The following NTN1 variants were observed in gnomAD, a reference collection of about 807,000 sequenced individuals.
NTN1 encodes netrin 1, also known as netrin-1.
Under a neutral mutation model 54.2 loss-of-function variants are expected in NTN1, and 11 were observed. That is an observed-to-expected ratio of 0.20 (90% confidence interval 0.13 to 0.34). The LOEUF (loss-of-function observed/expected upper bound fraction) is 0.34. Among genes scored for constraint, NTN1 ranks in the 10% least tolerant of loss-of-function variants. NTN1 has a pLI of 1.00. For missense variants in NTN1, 740 were observed against 893.1 expected (o/e 0.83, Z 2.18); for synonymous variants, 371 against 382.0 (o/e 0.97, Z 0.33).
chr17:9,016,872 C>A (rs180751076), upstream of NTN1, among the ~76,000 whole-genome samples: 25 of 152,330 alleles, frequency 1.6e-4, no homozygotes, highest in Non-Finnish European at 3.5e-4. Context: ...TGTCTCATGG[C>A]CTTGCTGGCT....
At chr17:9,070,724 T>TG (rs2092029437) in intron 2 of NTN1, among the ~76,000 whole-genome samples, 1 of 152,186 alleles carries the variant, frequency 6.6e-6, no homozygotes, top group African/African-American at 2.4e-5. Context: ...CCTGAGTAGC[T>TG]GGGATTACAG....
Position 9,240,459 on chromosome 17 carries a change from C to T in NTN1, c.*491C>T, listed in dbSNP as rs544885378. 145 of 152,478 alleles carry T rather than the reference C, an allele frequency of 9.5e-4. No homozygotes were observed. Among genetic ancestry groups the T allele is most frequent in the Non-Finnish European group, 1.7e-3 (113 of 68,134 alleles). The allele number at this position is 152,478 out of a possible 1,614,324, so 9.4% of individuals were successfully genotyped here. A position where few individuals can be genotyped will look rare whatever the true frequency, so the allele number is the denominator to read the frequency against. ...GGGCGCGGAGCACCCACCAAACCAC[C>T]ACCCGACACGCAGCCGACGGGATCC... is the stretch of plus-strand genomic sequence containing the variant. On this transcript the variant is annotated 3_prime_UTR_variant, in exon 7 of 7. Transcript: ENST00000173229.
chr17:9,047,852 G>A (rs980946702), intron 2 of NTN1, among the ~76,000 whole-genome samples: 6 of 151,950 alleles, frequency 3.9e-5, no homozygotes, highest in Admixed American at 1.3e-4. Flanking sequence ...CTGCCACCAC[G>A]CCTGGCTAAT....
intron 2 of NTN1, among the ~76,000 whole-genome samples, chr17:9,025,799 G>A (rs1015106522): frequency 6.6e-6 from 1 of 152,218 alleles, no homozygotes; most frequent in African/African-American, 2.4e-5. Context: ...CTGTAGTGGA[G>A]ATATGTGAAT....
chr17:9,203,148 C>G (rs1904859366), intron 5 of NTN1, among the ~76,000 whole-genome samples: 1 of 146,662 alleles, frequency 6.8e-6, no homozygotes, highest in Non-Finnish European at 1.5e-5. Flanking sequence ...ATCTCGATCT[C>G]CTGACCTCGT....
At chr17:9,193,920 TAA>T (rs71361871) in intron 5 of NTN1, among the ~76,000 whole-genome samples, 11 of 44,898 alleles carry the variant, frequency 2.4e-4, no homozygotes, top group South Asian at 2.2e-3. Context: ...AAACTCCGAC[TAA>T]AAAAAAAAAA....
Position 9,156,121 on chromosome 17 carries a change from G to A in NTN1, c.1019-6692G>A, listed in dbSNP as rs1382210633. On this transcript the variant is annotated intron_variant, in intron 2 of 6. Transcript: ENST00000173229. ...TGCCATGTCCCAACCTGCCCATGTG[G>A]CCTGGACATGTGGAAATGTGTCAAC... 2.0e-5 allele frequency among the ~76,000 whole-genome samples: 3 copies of A among 152,190 alleles called. No individual in the cohort carries two copies. The East Asian group carries it at 5.8e-4, about 29-fold the overall frequency.
At chr17:9,187,028 C>A (rs1016470030) in intron 5 of NTN1, among the ~76,000 whole-genome samples, 1 of 152,086 alleles carries the variant, frequency 6.6e-6, no homozygotes, top group Non-Finnish European at 1.5e-5. Context: ...AATCGCAACC[C>A]TGCCACTAGG....
At chr17:9,010,384 C>A in the NTN1 span, among the ~76,000 whole-genome samples, 5 of 152,282 alleles carry the variant, frequency 3.3e-5, no homozygotes, top group African/African-American at 1.2e-4. Context: ...TACCTTAATA[C>A]AAACAGCAAG....
intron 2 of NTN1, among the ~76,000 whole-genome samples, chr17:9,085,508 T>C (rs1246568662): frequency 6.6e-6 from 1 of 152,238 alleles, no homozygotes; most frequent in African/African-American, 2.4e-5. Flanking sequence ...ATGCGTCCCT[T>C]AACTAAAAGG....
At chr17:9,220,603 G>GC (rs1905312637) in intron 5 of NTN1, among the ~76,000 whole-genome samples, 2 of 152,112 alleles carry the variant, frequency 1.3e-5, no homozygotes, top group African/African-American at 4.8e-5. Context: ...CACCAGTAGG[G>GC]CCCATTAGAA....
intron 2 of NTN1, among the ~76,000 whole-genome samples, chr17:9,084,161 G>T (rs2092082552): frequency 6.6e-6 from 1 of 152,222 alleles, no homozygotes; most frequent in African/African-American, 2.4e-5. Context: ...AGGCTGGAGT[G>T]CAGTGGCTTG....
chr17:9,225,718 G>A (rs1905514692), intron 6 of NTN1, among the ~76,000 whole-genome samples: 1 of 152,188 alleles, frequency 6.6e-6, no homozygotes, highest in South Asian at 2.1e-4. Context: ...CAAACCGGGC[G>A]GGCCAGGGCG....
At chr17:9,026,392 G>GGC (rs386385607) in intron 2 of NTN1, among the ~76,000 whole-genome samples, 27 of 40,518 alleles carry the variant, frequency 6.7e-4, no homozygotes, top group South Asian at 1.4e-3. Flanking sequence ...GATTTCTTCC[G>GGC]GGGGGGGGGA....
At chr17:9,214,391 G>C (rs1220634415) in intron 5 of NTN1, among the ~76,000 whole-genome samples, 1 of 152,106 alleles carries the variant, frequency 6.6e-6, no homozygotes, top group African/African-American at 2.4e-5. Context: ...TTAATTACTA[G>C]GTGATGTTCT....
At chr17:9,138,583 T>C (rs955139634) in intron 2 of NTN1, among the ~76,000 whole-genome samples, 2 of 152,218 alleles carry the variant, frequency 1.3e-5, no homozygotes, top group African/African-American at 4.8e-5. Flanking sequence ...CCAGCTGGGC[T>C]CTGGCATCTC....
chr17:9,217,292 C>T (rs1319079830), intron 5 of NTN1, among the ~76,000 whole-genome samples: 1 of 152,202 alleles, frequency 6.6e-6, no homozygotes, highest in Non-Finnish European at 1.5e-5. Context: ...AGTCCACCAC[C>T]ATCTGCCTTT....
chr17:9,041,824 C>T (rs572591320), intron 2 of NTN1, among the ~76,000 whole-genome samples: 8 of 152,082 alleles, frequency 5.3e-5, no homozygotes, highest in East Asian at 1.9e-4. Context: ...GCCTGGCCAA[C>T]GTGGTGAAAC....
intron 2 of NTN1, among the ~76,000 whole-genome samples, chr17:9,154,098 C>G (rs2092335222): frequency 6.6e-6 from 1 of 152,264 alleles, no homozygotes. Flanking sequence ...TGGCTGGTCA[C>G]TGCTGCATTT....
Sources: gnomAD v4.1 joint callset for allele counts (sites outside exome capture counted in the v4.1 genomes callset) on GRCh38, gnomAD v4.1.1 for gene constraint, MANE v1.5 for transcripts, NCBI Gene and HGNC (gene_info 2026-07-23, HGNC 2026-07-21) for gene names.